Variants in EIF2AK2 observed in about 807,000 individuals in gnomAD.
EIF2AK2 encodes interferon-induced, double-stranded RNA-activated protein kinase.
EIF2AK2 carries 40 observed loss-of-function variants against 70.5 expected under a neutral mutation model. The observed-to-expected ratio is 0.57, with a 90% confidence interval of 0.44 to 0.74. The LOEUF is 0.74. Ranked by LOEUF, EIF2AK2 falls within the 30% of genes least tolerant of loss-of-function variation. The pLI, the probability that EIF2AK2 is intolerant of heterozygous loss-of-function variation, is 0.00. For missense variants in EIF2AK2, 555 were observed against 644.3 expected (o/e 0.86, Z 1.50); for synonymous variants, 198 against 220.9 (o/e 0.90, Z 0.92).
At chr2:37,131,213 G>A (rs1033737018) in intron 10 of EIF2AK2, among the ~76,000 whole-genome samples, 6 of 151,934 alleles carry the variant, frequency 3.9e-5, no homozygotes, top group African/African-American at 1.5e-4. Context: ...CTTATTACAG[G>A]CCCCCACTTT....
chr2:37,120,963 C>A (rs368751676), intron 12 of EIF2AK2, among the ~76,000 whole-genome samples: 63 of 118,710 alleles, frequency 5.3e-4, no homozygotes, highest in Middle Eastern at 5.0e-3. Context: ...GACTCTGTCT[C>A]AAAAAAAAAA....
At chr2:37,156,420 G>T (rs1458066269) in intron 1 of EIF2AK2, among the ~76,000 whole-genome samples, 1 of 152,142 alleles carries the variant, frequency 6.6e-6, no homozygotes, top group African/African-American at 2.4e-5. Context: ...TCAGGGGTGA[G>T]GATACGGAGT....
intron 4 of EIF2AK2, among the ~76,000 whole-genome samples, chr2:37,144,528 G>A (rs1675456173): frequency 6.6e-6 from 1 of 152,014 alleles, no homozygotes; most frequent in South Asian, 2.1e-4. Context: ...TGATGTAGAT[G>A]ATCCTGACGC....
In EIF2AK2 at chr2:37,132,259, T is replaced by C. The variant is rs186308513; in HGVS notation, c.785+3225A>G. Among the ~76,000 whole-genome samples the C allele has an allele frequency of 2.3e-3, 353 of 152,230 alleles. 4 individuals carry two copies. In the Middle Eastern group the frequency reaches 0.061, roughly 26 times the overall value. ...AGCGGGGGCACAATTCAAACTCCCA[T>C]ACTGTCATACAAAACAAATTAGTCC... On this transcript the variant is annotated intron_variant, in intron 10 of 16. Coordinates refer to ENST00000233057, the MANE Select transcript of EIF2AK2 (RefSeq NM_001135651.3).
In EIF2AK2 at chr2:37,102,394, G is replaced by C. The variant is rs1673848300; in HGVS notation, c.*4879C>G. The C allele has an allele frequency of 6.6e-6, 1 of 152,122 alleles. No individual in the cohort carries two copies. The highest frequency in any genetic ancestry group is 1.5e-5 in the Non-Finnish European group (1 of 68,018). 9.4% of individuals were successfully genotyped at this position (152,122 alleles called of 1,614,324 possible). A position where few individuals can be genotyped will look rare whatever the true frequency, so the allele number is the denominator to read the frequency against. On this transcript the variant is annotated 3_prime_UTR_variant, in exon 17 of 17. Coordinates refer to ENST00000233057, the MANE Select transcript of EIF2AK2 (RefSeq NM_001135651.3). ...ATTTTTGTGTATGTTTGAACATAAAGAAATGTATGAATAATATTGAAATTA... is the reference window on the plus strand; with the variant it reads ...ATTTTTGTGTATGTTTGAACATAAACAAATGTATGAATAATATTGAAATTA...
chr2:37,135,697 T>C (rs566053926), intron 9 of EIF2AK2, 151 bp from the exon 10 acceptor site: 4 of 630,472 alleles, frequency 6.3e-6, no homozygotes, highest in Non-Finnish European at 1.1e-5. Flanking sequence ...GGTGTGATCA[T>C]AGCTCACTAC....
intron 4 of EIF2AK2, among the ~76,000 whole-genome samples, chr2:37,146,090 C>A (rs929067745): frequency 2.0e-5 from 3 of 152,046 alleles, no homozygotes; most frequent in Non-Finnish European, 2.9e-5. Flanking sequence ...CGTACTTTTT[C>A]TGTGTTTAGA....
At chr2:37,114,358 G>C (rs1297542999) in intron 14 of EIF2AK2, among the ~76,000 whole-genome samples, 1 of 151,878 alleles carries the variant, frequency 6.6e-6, no homozygotes. Flanking sequence ...GTTAAATTAT[G>C]GTATCTCCAT....
intron 4 of EIF2AK2, among the ~76,000 whole-genome samples, chr2:37,145,478 A>C (rs113616083): frequency 6.6e-5 from 10 of 152,166 alleles, no homozygotes; most frequent in Admixed American, 1.3e-4. Flanking sequence ...ATTTGGAAAG[A>C]GTGAAAATGT....
intron 4 of EIF2AK2, 22 bp from the exon 5 acceptor site, chr2:37,141,723 G>C (rs1459938813): frequency 1.9e-6 from 3 of 1,579,554 alleles, no homozygotes; most frequent in Admixed American, 1.9e-5. Flanking sequence ...AAAAATTCCT[G>C]TTTAATATAA....
Position 37,101,749 on chromosome 2 carries a change from A to C in EIF2AK2, c.*5524T>G, listed in dbSNP as rs1293403595. 6.6e-6 allele frequency: 1 copy of C among 152,184 alleles called. No homozygotes were observed. Among genetic ancestry groups the C allele is most frequent in the African/African-American group, 2.4e-5 (1 of 41,456 alleles). 9.4% of individuals were successfully genotyped at this position (152,184 alleles called of 1,614,324 possible). A position where few individuals can be genotyped will look rare whatever the true frequency, so the allele number is the denominator to read the frequency against. On this transcript the variant is annotated 3_prime_UTR_variant, in exon 17 of 17. Coordinates refer to ENST00000233057, the MANE Select transcript of EIF2AK2 (RefSeq NM_001135651.3). ...AGAGTAAAGGAGACACATCAACCAA[A>C]TGCAATGTTGGATCTAGATTTCAAC...
intron 1 of EIF2AK2, among the ~76,000 whole-genome samples, chr2:37,150,520 C>T (rs1675706106): frequency 6.6e-6 from 1 of 151,712 alleles, no homozygotes; most frequent in Admixed American, 6.6e-5. Context: ...ATCATTTTCC[C>T]CATTGATTAT....
At chr2:37,133,477 T>C (rs557955051) in intron 10 of EIF2AK2, among the ~76,000 whole-genome samples, 1 of 152,046 alleles carries the variant, frequency 6.6e-6, no homozygotes. Flanking sequence ...CTACCCCCAA[T>C]TCCCCCCTCA....
At position 37,105,520 on chromosome 2, in the gene EIF2AK2, C is replaced by T. The variant is rs1396107032; in HGVS notation, c.*1753G>A. 6.6e-6 allele frequency: 1 copy of T among 152,234 alleles called. No individual in the cohort carries two copies. The highest frequency in any genetic ancestry group is 1.5e-5 in the Non-Finnish European group (1 of 68,134). The allele number at this position is 152,234 out of a possible 1,614,324, so 9.4% of individuals were successfully genotyped here. On this transcript the variant is annotated 3_prime_UTR_variant, in exon 17 of 17. Coordinates refer to ENST00000233057, the MANE Select transcript of EIF2AK2 (RefSeq NM_001135651.3). Reference sequence around the variant, plus strand: ...ACCTTCCACCATGAGTGGAAGCAGCCGGGGAAGAAGCAGATGCTGGTGCCA... The same window carrying T: ...ACCTTCCACCATGAGTGGAAGCAGCTGGGGAAGAAGCAGATGCTGGTGCCA...
At chr2:37,151,629 T>C (rs1675743082) in intron 1 of EIF2AK2, among the ~76,000 whole-genome samples, 1 of 152,126 alleles carries the variant, frequency 6.6e-6, no homozygotes, top group Non-Finnish European at 1.5e-5. Flanking sequence ...AACAAAGACT[T>C]AGACAGGAAT....
chr2:37,139,854 G>C, intron 5 of EIF2AK2, 97 bp from the exon 6 acceptor site: 1 of 1,230,762 alleles, frequency 8.1e-7, no homozygotes, highest in African/African-American at 1.5e-5. Flanking sequence ...GAGATCTTAA[G>C]ATAACACCAA....
At chr2:37,113,086 A>G (rs1476284116) in intron 14 of EIF2AK2, among the ~76,000 whole-genome samples, 2 of 152,270 alleles carry the variant, frequency 1.3e-5, no homozygotes, top group African/African-American at 4.8e-5. Flanking sequence ...AAGTTAATTC[A>G]AATTGCAGTT....
chr2:37,135,470 A>G lies in EIF2AK2; in HGVS notation c.785+14T>C. 6.3e-7 allele frequency: 1 copy of G among 1,596,376 alleles called. No individual in the cohort carries two copies. Among genetic ancestry groups the G allele is most frequent in the South Asian group, 1.1e-5 (1 of 87,212 alleles). On this transcript the variant is annotated intron_variant, in intron 10 of 16. Transcript: ENST00000233057. Reference sequence around the variant, plus strand: ...CATTACCCCTTCTTCTTTCTTCAGCACTTAAAATCTTACCTCTTGTCCACA... The same window carrying G: ...CATTACCCCTTCTTCTTTCTTCAGCGCTTAAAATCTTACCTCTTGTCCACA...
At chr2:37,124,737 T>C (rs148603448) in intron 11 of EIF2AK2, among the ~76,000 whole-genome samples, 2,542 of 152,072 alleles carry the variant, frequency 0.017, 47 homozygotes, top group Non-Finnish European at 0.022. Flanking sequence ...CATTCTTTTT[T>C]TTTTTTTGGA....
Sources: allele counts gnomAD v4.1 joint callset (sites outside exome capture counted in the v4.1 genomes callset), GRCh38; gene constraint gnomAD v4.1.1; transcripts MANE v1.5; gene names NCBI Gene and HGNC (gene_info 2026-07-23, HGNC 2026-07-21).